Variants in NR3C2 observed in about 807,000 individuals in gnomAD.
NR3C2 encodes the protein mineralocorticoid receptor.
A neutral mutation model predicts 86.4 loss-of-function variants in NR3C2; 15 were observed. That is an observed-to-expected ratio of 0.17 (90% CI 0.12 to 0.27). The LOEUF (loss-of-function observed/expected upper bound fraction) is 0.27. NR3C2 is among the 10% of genes least tolerant of loss of function. NR3C2 has a pLI of 1.00. For missense variants in NR3C2, 960 were observed against 1,195.6 expected, an observed-to-expected ratio of 0.80 and a Z score of 2.91; for synonymous variants, 458 against 450.5, an observed-to-expected ratio of 1.02 and a Z score of -0.21.
At chr4:148,099,183 C>T (rs1731425817) in intron 8 of NR3C2, among the ~76,000 whole-genome samples, 1 of 152,118 alleles carries the variant, frequency 6.6e-6, no homozygotes, top group African/African-American at 2.4e-5. Flanking sequence ...TTGGTGGGGC[C>T]CTGTGCAAAA....
rs376199897 is a variant in NR3C2, at chr4:148,345,522, G to A, written c.1758-85405C>T. Among the ~76,000 whole-genome samples the A allele has an allele frequency of 6.6e-5, 10 of 152,004 alleles. No homozygotes were observed. In the East Asian group the frequency reaches 1.5e-3, roughly 24 times the overall value. On this transcript the variant is annotated intron_variant, in intron 2 of 8. Coordinates refer to ENST00000358102, the MANE Select transcript of NR3C2 (RefSeq NM_000901.5). ...CTCTATCTTATGGATTTATTTTTGA[G>A]GGGGGTAATCCTTTAAAGTTTACAA...
At chr4:148,224,113 C>T (rs569900684) in intron 3 of NR3C2, among the ~76,000 whole-genome samples, 4 of 146,388 alleles carry the variant, frequency 2.7e-5, no homozygotes, top group African/African-American at 7.5e-5. Flanking sequence ...GAATAGGGAT[C>T]AGAGAAAGAA....
intron 2 of NR3C2, among the ~76,000 whole-genome samples, chr4:148,433,655 T>C (rs960168212): frequency 1.1e-4 from 17 of 152,260 alleles, no homozygotes; most frequent in African/African-American, 3.6e-4. Context: ...AACTAAACAA[T>C]TAAGTAGCAG....
At chr4:148,426,411 C>T (rs1328743965) in intron 2 of NR3C2, among the ~76,000 whole-genome samples, 2 of 152,196 alleles carry the variant, frequency 1.3e-5, no homozygotes, top group Admixed American at 1.3e-4. Flanking sequence ...CTATTCCCAG[C>T]TGTGTTACTA....
intron 3 of NR3C2, among the ~76,000 whole-genome samples, chr4:148,257,779 C>T (rs1295053390): frequency 4.6e-5 from 7 of 151,986 alleles, no homozygotes; most frequent in Non-Finnish European, 7.4e-5. Flanking sequence ...TAGGTCTTTA[C>T]TCTCATGAAT....
At chr4:148,366,851 T>C (rs1221860114) in intron 2 of NR3C2, among the ~76,000 whole-genome samples, 3 of 152,186 alleles carry the variant, frequency 2.0e-5, no homozygotes, top group African/African-American at 7.2e-5. Context: ...CCTTGTACTA[T>C]ATTAAGATTT....
intron 2 of NR3C2, among the ~76,000 whole-genome samples, chr4:148,391,461 T>C (rs1747552420): frequency 6.6e-6 from 1 of 152,222 alleles, no homozygotes; most frequent in Non-Finnish European, 1.5e-5. Flanking sequence ...TTGGAGCATG[T>C]AAAGTAGATA....
intron 4 of NR3C2, among the ~76,000 whole-genome samples, chr4:148,165,244 T>C (rs888626330): frequency 3.3e-5 from 5 of 152,232 alleles, no homozygotes; most frequent in Non-Finnish European, 7.3e-5. Flanking sequence ...TTTAGTGCAG[T>C]GGTTTCCACA....
At chr4:148,399,436 A>G (rs1244964651) in intron 2 of NR3C2, among the ~76,000 whole-genome samples, 1 of 151,872 alleles carries the variant, frequency 6.6e-6, no homozygotes, top group Non-Finnish European at 1.5e-5. Flanking sequence ...TATATAATTA[A>G]TAAGAACATA....
At chr4:148,102,889 A>C (rs1731604347) in intron 8 of NR3C2, among the ~76,000 whole-genome samples, 1 of 152,214 alleles carries the variant, frequency 6.6e-6, no homozygotes, top group African/African-American at 2.4e-5. Context: ...ACGACGGTGG[A>C]AATGGCGTTG....
chr4:148,194,610 T>C (rs914558691), intron 4 of NR3C2, 136 bp downstream of exon 4: 5 of 648,194 alleles, frequency 7.7e-6, no homozygotes, highest in Non-Finnish European at 1.4e-5. Context: ...TGTTTTAGCA[T>C]GAAAACAGAA....
At chr4:148,420,420 A>C (rs548649901) in intron 2 of NR3C2, among the ~76,000 whole-genome samples, 1 of 152,344 alleles carries the variant, frequency 6.6e-6, no homozygotes, top group Admixed American at 6.5e-5. Context: ...ATCATATTAC[A>C]TTCACTTATA....
intron 3 of NR3C2, among the ~76,000 whole-genome samples, chr4:148,202,246 G>C (rs1210063848): frequency 1.3e-5 from 2 of 152,212 alleles, no homozygotes; most frequent in Non-Finnish European, 2.9e-5. Context: ...TGAGCCTCCA[G>C]TGGCGAACAC....
chr4:148,436,241 G>A lies in NR3C2; in HGVS notation c.620C>T (p.Pro207Leu). 1.9e-6 allele frequency: 3 copies of A among 1,614,196 alleles called. No homozygotes were observed. In the South Asian group the frequency reaches 3.3e-5, roughly 18 times the overall value. ...PLNMTSSVCS[P>L]AGINSVSSTT... is the part of the protein sequence containing the mutation. ...GGAGGACACAGAGTTGATTCCAGCA[G>A]GGCTGCAAACCGAAGATGTCATGTT... The change falls in exon 2 of 9, where the codon CCT becomes CTT. Residue 207 changes from proline to leucine, a missense_variant. Physicochemically the swap from Pro to Leu is moderately conservative, Grantham distance 98 (BLOSUM62 -3). Coordinates refer to ENST00000358102, the MANE Select transcript of NR3C2 (RefSeq NM_000901.5).
intron 2 of NR3C2, among the ~76,000 whole-genome samples, chr4:148,299,714 G>A (rs1004346961): frequency 1.3e-5 from 2 of 152,190 alleles, no homozygotes; most frequent in Non-Finnish European, 2.9e-5. Flanking sequence ...AAGAATAAGA[G>A]GTTCTTCCCC....
At chr4:148,251,983 T>G (rs1739600535) in intron 3 of NR3C2, among the ~76,000 whole-genome samples, 1 of 152,094 alleles carries the variant, frequency 6.6e-6, no homozygotes, top group African/African-American at 2.4e-5. Flanking sequence ...ATAGCTGATG[T>G]GTTAAGTACA....
chr4:148,385,926 C>CA (rs1747242880), intron 2 of NR3C2, among the ~76,000 whole-genome samples: 1 of 152,164 alleles, frequency 6.6e-6, no homozygotes, highest in South Asian at 2.1e-4. Flanking sequence ...GCACATTTTG[C>CA]CACTAAAGAT....
intron 2 of NR3C2, among the ~76,000 whole-genome samples, chr4:148,384,930 C>T (rs1352595342): frequency 2.0e-5 from 3 of 152,184 alleles, no homozygotes; most frequent in Non-Finnish European, 4.4e-5. Context: ...TACAACTCTA[C>T]TCATGTAAGA....
At chr4:148,206,372 T>C (rs1013117635) in intron 3 of NR3C2, among the ~76,000 whole-genome samples, 5 of 152,222 alleles carry the variant, frequency 3.3e-5, no homozygotes, top group African/African-American at 1.2e-4. Context: ...AGTTGTTTTC[T>C]ACCTTCTTGG....
Sources: allele counts gnomAD v4.1 joint callset (sites outside exome capture counted in the v4.1 genomes callset), GRCh38; gene constraint gnomAD v4.1.1; transcripts MANE v1.5; gene names NCBI Gene and HGNC (gene_info 2026-07-23, HGNC 2026-07-21).